The following COL14A1 variants were observed in gnomAD, a reference collection of about 807,000 sequenced individuals.
The protein encoded by COL14A1 is collagen type XIV alpha 1 chain, also known as collagen alpha-1(XIV) chain.
COL14A1 carries 136 observed loss-of-function variants against 230.3 expected under a neutral mutation model. That is an observed-to-expected ratio of 0.59 (90% CI 0.51 to 0.68). The LOEUF (loss-of-function observed/expected upper bound fraction) is 0.68, where lower values mean the gene tolerates loss of function less well. COL14A1 is among the 30% of genes least tolerant of loss of function. COL14A1 has a pLI of 0.00. For synonymous variants in COL14A1, 792 were observed against 784.1 expected (o/e 1.01, Z -0.17); for missense variants, 1,976 against 2,215.8 (o/e 0.89, Z 2.17).
chr8:120,319,632 A>C (rs1326270325), intron 40 of COL14A1, among the ~76,000 whole-genome samples: 1 of 152,214 alleles, frequency 6.6e-6, no homozygotes, highest in African/African-American at 2.4e-5. Context: ...ATCTTAACAA[A>C]TAATAAAAAG....
intron 26 of COL14A1, chr8:120,277,642 CAA>C (rs1329818744): frequency 1.3e-5 from 2 of 152,032 alleles, no homozygotes; most frequent in Admixed American, 6.6e-5. Flanking sequence ...TTATCTTGTG[CAA>C]ATTAACACAG....
intron 5 of COL14A1, among the ~76,000 whole-genome samples, chr8:120,189,644 C>A (rs1181113310): frequency 7.8e-6 from 1 of 128,226 alleles, no homozygotes; most frequent in African/African-American, 2.9e-5. Context: ...CTCCCCCGAC[C>A]CCACAACAGT....
rs142821885 is a variant in COL14A1 at position 120,313,838 on chromosome 8, G to A, written c.4456-94G>A. The A allele has an allele frequency of 4.4e-3, 3,416 of 783,272 alleles. 10 individuals are homozygous for A. Among genetic ancestry groups the A allele is most frequent in the Admixed American group, 7.8e-3 (310 of 39,694 alleles). The allele number at this position is 783,272 out of a possible 1,614,324, so 48.5% of individuals were successfully genotyped here. A position where few individuals can be genotyped will look rare whatever the true frequency, so the allele number is the denominator to read the frequency against. ...TCCTATCTTAAGAAAAACTATATAA[G>A]AAAACAAATTATAATTGTCCTAAGC... On this transcript the variant is annotated intron_variant, in intron 37 of 47. Transcript: ENST00000297848.
chr8:120,143,010 C>T (rs1814962662), intron 1 of COL14A1, among the ~76,000 whole-genome samples: 1 of 152,198 alleles, frequency 6.6e-6, no homozygotes, highest in Non-Finnish European at 1.5e-5. Flanking sequence ...CTGCATTCAT[C>T]AGAGGCTTTT....
intron 38 of COL14A1, 23 bp from the exon 39 acceptor site, chr8:120,315,510 T>A (rs1445866811): frequency 6.2e-7 from 1 of 1,601,342 alleles, no homozygotes; most frequent in Non-Finnish European, 8.6e-7. Flanking sequence ...TGAACTTAAC[T>A]CTGTATACTT....
At chr8:120,337,577 T>C (rs1193263698) in intron 42 of COL14A1, among the ~76,000 whole-genome samples, 1 of 152,196 alleles carries the variant, frequency 6.6e-6, no homozygotes, top group Non-Finnish European at 1.5e-5. Flanking sequence ...CAGACATCTT[T>C]AATATGTAGG....
At chr8:120,354,239 T>G (rs1310956642) in intron 45 of COL14A1, among the ~76,000 whole-genome samples, 1 of 93,840 alleles carries the variant, frequency 1.1e-5, no homozygotes, top group Non-Finnish European at 2.1e-5. Context: ...TGGGGACTGT[T>G]GTGGGGTGGG....
chr8:120,222,292 C>A (rs1190463757), intron 14 of COL14A1, among the ~76,000 whole-genome samples: 2 of 152,150 alleles, frequency 1.3e-5, no homozygotes, highest in African/African-American at 4.8e-5. Context: ...TGTTATCAAT[C>A]CCTGATTTAG....
chr8:120,185,036 G>T (rs1816603142), intron 5 of COL14A1, among the ~76,000 whole-genome samples: 1 of 152,188 alleles, frequency 6.6e-6, no homozygotes, highest in Admixed American at 6.5e-5. Flanking sequence ...GAAGACAGAA[G>T]TTATAGGAGG....
At chr8:120,190,128 A>G (rs552361204) in intron 5 of COL14A1, among the ~76,000 whole-genome samples, 71 of 151,724 alleles carry the variant, frequency 4.7e-4, no homozygotes, top group African/African-American at 1.7e-3. Flanking sequence ...CTATTTCTCC[A>G]CATCCTCTCC....
intron 9 of COL14A1, among the ~76,000 whole-genome samples, chr8:120,204,426 G>A (rs1327829963): frequency 6.6e-6 from 1 of 152,178 alleles, no homozygotes; most frequent in African/African-American, 2.4e-5. Flanking sequence ...TATGTGGTAT[G>A]TAACCTTTGG....
intron 21 of COL14A1, 34 bp downstream of exon 21, chr8:120,247,769 T>C (rs971728079): frequency 1.2e-6 from 2 of 1,603,744 alleles, no homozygotes; most frequent in Non-Finnish European, 8.5e-7. Flanking sequence ...GTTGATACCA[T>C]GAGTAGTCAC....
chr8:120,282,253 G>A (rs1348710792), intron 31 of COL14A1, among the ~76,000 whole-genome samples: 1 of 152,180 alleles, frequency 6.6e-6, no homozygotes, highest in Non-Finnish European at 1.5e-5. Context: ...CCTTATTCTT[G>A]TTTCTATCTC....
At chr8:120,317,300 C>A (rs1302605098) in intron 40 of COL14A1, among the ~76,000 whole-genome samples, 1 of 152,140 alleles carries the variant, frequency 6.6e-6, no homozygotes, top group Non-Finnish European at 1.5e-5. Flanking sequence ...TGAAACTGTT[C>A]TTGTTTTTTC....
chr8:120,346,447 A>G (rs910139077), intron 45 of COL14A1, among the ~76,000 whole-genome samples: 3 of 152,194 alleles, frequency 2.0e-5, no homozygotes, highest in Admixed American at 2.0e-4. Context: ...GGGAAAAGCT[A>G]ACTTTTACCT....
chr8:120,280,007 G>C lies in COL14A1; in HGVS notation c.3554G>C (p.Ser1185Thr), dbSNP rs759456838. ...SELVSIGSKP[S>T]ARHVFFVDDF... is the part of the protein sequence containing the mutation. ...TTGGTTAGCATTGGCAGTAAGCCCA[G>C]CGCACGCCATGTCTTCTTTGTGGAT... Residue 1185 changes from serine (S) to threonine (T), a missense_variant, in exon 29 of 48, where the codon AGC (serine) becomes ACC (threonine). By Grantham distance (58) the Ser-to-Thr change is moderately conservative. This residue lies in a region of COL14A1 where 1,791 missense variants were observed against 2,019.5 expected (regional missense o/e 0.89). Coordinates refer to ENST00000297848, the MANE Select transcript of COL14A1 (RefSeq NM_021110.4). 6.2e-6 allele frequency: 10 copies of C among 1,613,770 alleles called. No homozygotes were observed. The Middle Eastern group carries it at 4.9e-4, about 80-fold the overall frequency.
intron 45 of COL14A1, among the ~76,000 whole-genome samples, chr8:120,359,204 G>A (rs1823099219): frequency 2.6e-5 from 4 of 151,788 alleles, no homozygotes; most frequent in African/African-American, 7.2e-5. Context: ...TTAGATATTT[G>A]TCCTAATGCT....
intron 5 of COL14A1, among the ~76,000 whole-genome samples, chr8:120,192,663 C>T (rs1367069602): frequency 1.3e-5 from 2 of 152,090 alleles, no homozygotes; most frequent in Non-Finnish European, 2.9e-5. Flanking sequence ...TTCCATTCTC[C>T]CCGTCACTTT....
At chr8:120,167,622 T>C (rs529745468) in intron 4 of COL14A1, among the ~76,000 whole-genome samples, 2 of 152,334 alleles carry the variant, frequency 1.3e-5, no homozygotes, top group Admixed American at 6.5e-5. Flanking sequence ...AAAACTACCA[T>C]GTATTAATAG....
Sources: allele counts gnomAD v4.1 joint callset (sites outside exome capture counted in the v4.1 genomes callset), GRCh38; gene constraint gnomAD v4.1.1; regional missense constraint gnomAD v4.1.1; transcripts MANE v1.5; gene names NCBI Gene and HGNC (gene_info 2026-07-23, HGNC 2026-07-21).